Variants in FOXP2 observed in about 807,000 individuals in gnomAD.
The protein encoded by FOXP2 is forkhead box protein P2.
Under a neutral mutation model 115.8 loss-of-function variants are expected in FOXP2, and 12 were observed. The ratio of observed to expected loss-of-function variants is 0.10; its 90% CI spans 0.07 to 0.17. The LOEUF (loss-of-function observed/expected upper bound fraction) is 0.17, where lower values mean the gene tolerates loss of function less well. Ranked by LOEUF, FOXP2 falls within the 10% of genes least tolerant of loss-of-function variation. The pLI is 1.00. For missense variants in FOXP2, 629 were observed against 843.5 expected (o/e 0.75, Z 3.15); for synonymous variants, 328 against 297.7 (o/e 1.10, Z -1.05).
At chr7:114,165,848 A>C (rs1792968761) in intron 1 of FOXP2, among the ~76,000 whole-genome samples, 1 of 152,226 alleles carries the variant, frequency 6.6e-6, no homozygotes, top group Non-Finnish European at 1.5e-5. Context: ...GAGGACTGAC[A>C]GTCTCCAACT....
chr7:114,182,028 A>G (rs1005393513), intron 1 of FOXP2, among the ~76,000 whole-genome samples: 1 of 152,030 alleles, frequency 6.6e-6, no homozygotes, highest in African/African-American at 2.4e-5. Context: ...CATTTTTCAT[A>G]TACTTTAATT....
At chr7:114,368,909 C>CA (rs1305426546) in intron 2 of FOXP2, among the ~76,000 whole-genome samples, 1 of 152,198 alleles carries the variant, frequency 6.6e-6, no homozygotes, top group Middle Eastern at 3.2e-3. Context: ...AAACAACAAT[C>CA]ATTTATTTTG....
At chr7:114,217,836 G>C (rs1794524369) in intron 1 of FOXP2, among the ~76,000 whole-genome samples, 1 of 152,198 alleles carries the variant, frequency 6.6e-6, no homozygotes. Context: ...GCATAGAAAT[G>C]AAATCTATAT....
chr7:114,631,795 GT>G, intron 6 of FOXP2, 90 bp downstream of exon 6: 1 of 1,382,504 alleles, frequency 7.2e-7, no homozygotes, highest in Non-Finnish European at 1.0e-6. Context: ...GAGAAATTTT[GT>G]TTTTATGACT....
chr7:114,171,936 A>G (rs1028078794), intron 1 of FOXP2, among the ~76,000 whole-genome samples: 7 of 152,186 alleles, frequency 4.6e-5, no homozygotes, highest in Admixed American at 4.6e-4. Flanking sequence ...GGTTCAAGAC[A>G]TAAGTGGAGG....
At chr7:114,659,718 T>TGTGCTATCTGTAAGGA in intron 13 of FOXP2, 45 bp downstream of exon 13, 1 of 1,415,718 alleles carries the variant, frequency 7.1e-7, no homozygotes, top group Non-Finnish European at 1.0e-6. Context: ...CACAGTTCCT[T>TGTGCTATCTGTAAGGA]ACAGATAGCA....
intron 2 of FOXP2, among the ~76,000 whole-genome samples, chr7:114,514,655 G>A (rs954841008): frequency 6.6e-6 from 1 of 151,104 alleles, no homozygotes; most frequent in Admixed American, 6.6e-5. Context: ...TGCAATAGGA[G>A]CTCACATATT....
At chr7:114,489,435 T>C (rs1796933057) in intron 2 of FOXP2, among the ~76,000 whole-genome samples, 1 of 152,098 alleles carries the variant, frequency 6.6e-6, no homozygotes, top group Admixed American at 6.6e-5. Flanking sequence ...TAGTCTGAAA[T>C]TGGTTCTATT....
At chr7:114,571,456 T>C (rs761027741) in intron 3 of FOXP2, among the ~76,000 whole-genome samples, 2 of 151,864 alleles carry the variant, frequency 1.3e-5, no homozygotes, top group Non-Finnish European at 2.9e-5. Context: ...AGCAACTTCA[T>C]GTTTCTATTG....
At chr7:114,517,017 C>CT (rs945624839) in intron 2 of FOXP2, among the ~76,000 whole-genome samples, 1,759 of 146,082 alleles carry the variant, frequency 0.012, 32 homozygotes, top group African/African-American at 0.039. Flanking sequence ...AGTAACCATT[C>CT]TTTTTTTTTT....
At chr7:114,610,850 G>T (rs1391061788) in intron 3 of FOXP2, among the ~76,000 whole-genome samples, 1 of 151,752 alleles carries the variant, frequency 6.6e-6, no homozygotes, top group Non-Finnish European at 1.5e-5. Context: ...GCCCAGGCTG[G>T]TCTCAAACTC....
In FOXP2 at chr7:114,387,320, ATTCTC is replaced by A. The variant is rs1483562202; in HGVS notation, c.-10-39174_-10-39170del. On this transcript the variant is annotated intron_variant, in intron 2 of 17. Coordinates refer to the FOXP2 transcript ENST00000634411. The stretch of plus-strand genomic sequence containing the variant: ...AGTATTAAATATTTGGTTAAAAAAT[ATTCTC>A]TTCTCTTGAGGAAGTTATATTCAGT... Among the ~76,000 whole-genome samples the A allele has an allele frequency of 1.1e-4, 16 of 152,328 alleles. 1 individual carries two copies. Among genetic ancestry groups the A allele is most frequent in the Middle Eastern group, 6.8e-3 (2 of 294 alleles).
chr7:114,123,464 T>C (rs1791623212), intron 1 of FOXP2, among the ~76,000 whole-genome samples: 1 of 151,998 alleles, frequency 6.6e-6, no homozygotes, highest in Non-Finnish European at 1.5e-5. Flanking sequence ...AATGAAAATA[T>C]TGATTTTTAA....
chr7:114,288,924 A>C (rs1281111728), intron 2 of FOXP2, among the ~76,000 whole-genome samples: 3 of 151,784 alleles, frequency 2.0e-5, no homozygotes, highest in Admixed American at 2.0e-4. Context: ...GAGGGAAACC[A>C]AAATGCCCGG....
chr7:114,343,946 T>C (rs1180849096), intron 2 of FOXP2, among the ~76,000 whole-genome samples: 2 of 151,678 alleles, frequency 1.3e-5, no homozygotes, highest in Admixed American at 6.6e-5. Context: ...CACCTCACAC[T>C]AGAATGTAAG....
chr7:114,521,492 C>A (rs1321628018), intron 2 of FOXP2, among the ~76,000 whole-genome samples: 2 of 135,948 alleles, frequency 1.5e-5, no homozygotes, highest in East Asian at 4.2e-4. Context: ...CTGAGTCTAC[C>A]ACTGTACTCC....
intron 1 of FOXP2, among the ~76,000 whole-genome samples, chr7:114,417,676 C>T (rs1793408988): frequency 6.6e-6 from 1 of 151,886 alleles, no homozygotes; most frequent in South Asian, 2.1e-4. Flanking sequence ...GCTGTGGTTT[C>T]CTATTGATGA....
chr7:114,255,404 GC>G (rs1795582431), intron 1 of FOXP2, among the ~76,000 whole-genome samples: 2 of 152,214 alleles, frequency 1.3e-5, no homozygotes, highest in South Asian at 4.1e-4. Flanking sequence ...GTCTACAGAT[GC>G]AGGCAGGCCT....
At chr7:114,249,744 T>C (rs1795388503) in intron 1 of FOXP2, among the ~76,000 whole-genome samples, 1 of 152,168 alleles carries the variant, frequency 6.6e-6, no homozygotes, top group Non-Finnish European at 1.5e-5. Context: ...ATGAGATTGC[T>C]GGGTCAAATG....
Sources: allele counts gnomAD v4.1 joint callset (sites outside exome capture counted in the v4.1 genomes callset), GRCh38; gene constraint gnomAD v4.1.1; transcripts MANE v1.5; gene names NCBI Gene and HGNC (gene_info 2026-07-23, HGNC 2026-07-21).